RALGPS1: variants seen among roughly 807,000 people sequenced by gnomAD.
The protein encoded by RALGPS1 is Ral GEF with PH domain and SH3 binding motif 1.
In RALGPS1, 19 loss-of-function variants were observed where a neutral mutation model predicts 78.8. The ratio of observed to expected loss-of-function variants is 0.24; its 90% CI spans 0.17 to 0.35. RALGPS1 has a LOEUF of 0.35. Ranked by LOEUF, RALGPS1 falls within the 10% of genes least tolerant of loss-of-function variation. The pLI, the probability that RALGPS1 is intolerant of heterozygous loss-of-function variation, is 1.00. For missense variants in RALGPS1, 454 were observed against 688.3 expected (o/e 0.66, Z 3.81); for synonymous variants, 228 against 256.3 (o/e 0.89, Z 1.06).
At chr9:127,182,388 CCCTCCCTCCCTT>C (rs2060313186) in intron 11 of RALGPS1, among the ~76,000 whole-genome samples, 2 of 40,904 alleles carry the variant, frequency 4.9e-5, no homozygotes, top group Admixed American at 2.2e-4. Context: ...CTCCCTCCCT[CCCTCCCTCCCTT>C]CCTTCCTCCC....
intron 8 of RALGPS1, among the ~76,000 whole-genome samples, chr9:127,147,249 CTTAGGTTTCTTATAGATTGGTTA>C (rs2058146774): frequency 6.6e-6 from 1 of 152,020 alleles, no homozygotes; most frequent in Non-Finnish European, 1.5e-5. Context: ...TATTGATTTG[CTTAGGTTTCTTATAGATTGGTTA>C]TTAGGTCTTT....
At position 127,212,928 on chromosome 9, in the gene RALGPS1, T is replaced by C. The variant is rs1478021706; in HGVS notation, c.1447-16T>C. ...GCTGGGCCCCGGTCTCCGGATGTGT[T>C]GTTGCTCTCCTCCAGTATAAATCCA... On this transcript the variant is annotated splice_polypyrimidine_tract_variant and intron_variant, in intron 16 of 18. Transcript: ENST00000259351. This position sits in a 1 kb window ranked among gnomAD's most constrained non-coding sequence, Gnocchi z 6.0. 1 of 1,614,036 alleles carries C rather than the reference T, an allele frequency of 6.2e-7. No individual in the cohort carries two copies. Among genetic ancestry groups the C allele is most frequent in the East Asian group, 2.2e-5 (1 of 44,884 alleles).
At chr9:127,041,215 T>G (rs1471835568) in intron 5 of RALGPS1, among the ~76,000 whole-genome samples, 3 of 152,022 alleles carry the variant, frequency 2.0e-5, no homozygotes, top group African/African-American at 4.8e-5. Context: ...CCTCAGCTTC[T>G]GGAATAGCTA....
chr9:126,973,977 A>G (rs527821016), intron 3 of RALGPS1, among the ~76,000 whole-genome samples: 1 of 152,110 alleles, frequency 6.6e-6, no homozygotes, highest in Non-Finnish European at 1.5e-5. Context: ...GGTTCAAGCA[A>G]TTCTCTTGCC....
intron 12 of RALGPS1, 100 bp from the exon 13 acceptor site, chr9:127,196,374 T>G: frequency 2.8e-6 from 4 of 1,411,240 alleles, no homozygotes; most frequent in Non-Finnish European, 3.8e-6. Flanking sequence ...GGAGGCCTTT[T>G]TCCTGCAGCT....
At chr9:127,019,962 A>G (rs528355825) in intron 4 of RALGPS1, among the ~76,000 whole-genome samples, 9 of 152,222 alleles carry the variant, frequency 5.9e-5, no homozygotes, top group South Asian at 4.1e-4. Context: ...CATTTTTCCA[A>G]TTACCATTTC....
At chr9:127,020,913 AC>A (rs2045379401) in intron 4 of RALGPS1, among the ~76,000 whole-genome samples, 3 of 152,198 alleles carry the variant, frequency 2.0e-5, no homozygotes, top group Admixed American at 1.3e-4. Context: ...CAATAATAGT[AC>A]CTATTTCATA....
At chr9:126,984,547 C>G (rs1360403146) in intron 4 of RALGPS1, among the ~76,000 whole-genome samples, 3 of 152,140 alleles carry the variant, frequency 2.0e-5, no homozygotes, top group African/African-American at 7.2e-5. Context: ...GGGTGTGTAA[C>G]TGCTTTGTTT....
chr9:127,054,015 A>C (rs1016012840), intron 7 of RALGPS1, among the ~76,000 whole-genome samples: 29 of 152,112 alleles, frequency 1.9e-4, no homozygotes, highest in African/African-American at 7.0e-4. Context: ...GGTTCCTTAG[A>C]GTTGCCTTGG....
In RALGPS1 at chr9:127,185,272, C is replaced by T. The variant is rs148240622; in HGVS notation, c.911-9819C>T. Among the ~76,000 whole-genome samples, 393 of 152,324 alleles carry T rather than the reference C, an allele frequency of 2.6e-3. 1 individual carries two copies. The highest frequency in any genetic ancestry group is 4.0e-3 in the Non-Finnish European group (272 of 68,016). On this transcript the variant is annotated intron_variant, in intron 11 of 18. Coordinates refer to ENST00000259351, the MANE Select transcript of RALGPS1 (RefSeq NM_014636.3). ...CCTAAAAATCTCTACACCTTCCCCTCGTTGAACTCCAGGCTTCTTCAAAGG... is the reference window on the plus strand; with the variant it reads ...CCTAAAAATCTCTACACCTTCCCCTTGTTGAACTCCAGGCTTCTTCAAAGG...
chr9:127,182,178 TA>T (rs74348799), intron 11 of RALGPS1, among the ~76,000 whole-genome samples: 74,931 of 141,370 alleles, frequency 0.53, 20,008 homozygotes, highest in African/African-American at 0.66. Context: ...CCCATCTGTT[TA>T]AAAAAAAAAA....
intron 11 of RALGPS1, among the ~76,000 whole-genome samples, chr9:127,175,436 A>G (rs2059805568): frequency 6.6e-6 from 1 of 152,198 alleles, no homozygotes; most frequent in African/African-American, 2.4e-5. Flanking sequence ...TGACATTGTG[A>G]AAGTGTGCTC....
intron 10 of RALGPS1, among the ~76,000 whole-genome samples, chr9:127,171,472 G>A (rs1027868889): frequency 4.6e-5 from 7 of 152,140 alleles, no homozygotes; most frequent in African/African-American, 7.2e-5. Context: ...AAAGAGGGCC[G>A]GGCACAGTGG....
chr9:126,940,026 A>G lies in RALGPS1; in HGVS notation c.-65-22199A>G, dbSNP rs563122510. 1.1e-4 allele frequency among the ~76,000 whole-genome samples: 17 copies of G among 152,326 alleles called. No individual in the cohort carries two copies. In the South Asian group the frequency reaches 3.5e-3, roughly 32 times the overall value. On this transcript the variant is annotated intron_variant, in intron 1 of 18. Transcript: ENST00000259351. Reference sequence around the variant, plus strand: ...GTCTGTGTACAAGCTATTAATGATTAATAATTTGAGTGCAGGGGTGTGGCT... The same window carrying G: ...GTCTGTGTACAAGCTATTAATGATTGATAATTTGAGTGCAGGGGTGTGGCT...
chr9:127,102,161 T>C (rs1464155821), intron 8 of RALGPS1, among the ~76,000 whole-genome samples: 1 of 152,202 alleles, frequency 6.6e-6, no homozygotes, highest in Non-Finnish European at 1.5e-5. Flanking sequence ...AAGTATATAC[T>C]TCATTACTTT....
At chr9:127,099,766 G>C (rs2053534978) in intron 8 of RALGPS1, among the ~76,000 whole-genome samples, 2 of 152,204 alleles carry the variant, frequency 1.3e-5, no homozygotes, top group African/African-American at 2.4e-5. Context: ...TAGCTTGTAT[G>C]GTCCCAAAGG....
chr9:126,919,654 C>G (rs1408652137), intron 1 of RALGPS1, among the ~76,000 whole-genome samples: 1 of 152,146 alleles, frequency 6.6e-6, no homozygotes, highest in Non-Finnish European at 1.5e-5. Flanking sequence ...AAAGTACATA[C>G]AGCAATAGCA....
At chr9:127,192,867 C>G (rs2061148794) in intron 11 of RALGPS1, among the ~76,000 whole-genome samples, 1 of 152,072 alleles carries the variant, frequency 6.6e-6, no homozygotes, top group Non-Finnish European at 1.5e-5. Flanking sequence ...TAGTGCCTGC[C>G]AAGGAAGGAG....
intron 9 of RALGPS1, 111 bp downstream of exon 9, chr9:127,166,317 A>G: frequency 1.5e-6 from 2 of 1,332,162 alleles, no homozygotes; most frequent in East Asian, 2.3e-5. Context: ...CCTCATTTTA[A>G]TATATCGAGC....
Sources: gnomAD v4.1 joint callset for allele counts (sites outside exome capture counted in the v4.1 genomes callset) on GRCh38, gnomAD v4.1.1 for gene constraint, Gnocchi (gnomAD v3.1) non-coding constraint, MANE v1.5 for transcripts, NCBI Gene and HGNC (gene_info 2026-07-23, HGNC 2026-07-21) for gene names.